The following BPTF variants were observed in gnomAD, a reference collection of about 807,000 sequenced individuals.
BPTF encodes nucleosome-remodeling factor subunit BPTF.
In BPTF, 18 loss-of-function variants were observed where a neutral mutation model predicts 292.5. That is an observed-to-expected ratio of 0.06 (90% CI 0.04 to 0.09). The LOEUF (loss-of-function observed/expected upper bound fraction) is 0.09, where lower values mean the gene tolerates loss of function less well. BPTF is among the 10% of genes least tolerant of loss of function. BPTF has a pLI of 1.00. For synonymous variants in BPTF, 1,225 were observed against 1,251.9 expected (o/e 0.98, Z 0.45); for missense variants, 2,726 against 3,498.7 (o/e 0.78, Z 5.57).
chr17:67,836,808 C>T (rs1191425287), intron 1 of BPTF, among the ~76,000 whole-genome samples: 3 of 152,188 alleles, frequency 2.0e-5, no homozygotes, highest in African/African-American at 7.2e-5. Flanking sequence ...ACTCATTTCT[C>T]CACCTTATGA....
chr17:67,972,289 G>T lies in BPTF; in HGVS notation c.8540-3483G>T, dbSNP rs550843277. Among the ~76,000 whole-genome samples, 44 of 152,090 alleles carry T rather than the reference G, an allele frequency of 2.9e-4. 2 individuals are homozygous for T. The South Asian group carries it at 9.1e-3, about 32-fold the overall frequency. On this transcript the variant is annotated intron_variant, in intron 26 of 27. Transcript: ENST00000306378. The stretch of plus-strand genomic sequence containing the variant: ...CTCACTCTGTCACCCAGGCTGGAGT[G>T]CAGTGTCGTGATCTTGAATCACTGC...
At chr17:67,926,417 C>T (rs1315532021) in intron 15 of BPTF, among the ~76,000 whole-genome samples, 1 of 150,100 alleles carries the variant, frequency 6.7e-6, no homozygotes, top group Non-Finnish European at 1.5e-5. Context: ...CTCCGCCTCC[C>T]GGGTTCACGC....
intron 1 of BPTF, among the ~76,000 whole-genome samples, chr17:67,851,887 G>A (rs2058431140): frequency 6.7e-6 from 1 of 148,894 alleles, no homozygotes; most frequent in African/African-American, 2.5e-5. Flanking sequence ...GTTTTACTTT[G>A]CCTTTCCTTG....
At chr17:67,892,818 A>G (rs1301067267) in intron 5 of BPTF, among the ~76,000 whole-genome samples, 4 of 152,162 alleles carry the variant, frequency 2.6e-5, no homozygotes, top group African/African-American at 4.8e-5. Flanking sequence ...AGCCTATTGC[A>G]TTACATTTTA....
At chr17:67,959,389 A>C (rs1555682455) in intron 23 of BPTF, 152 bp from the exon 24 acceptor site, 11 of 532,810 alleles carry the variant, frequency 2.1e-5, no homozygotes, top group African/African-American at 5.8e-5. Context: ...TTAAGATATA[A>C]GAAAACTCTT....
intron 4 of BPTF, chr17:67,875,511 A>G (rs71382156): frequency 7.8e-6 from 11 of 1,406,016 alleles, no homozygotes; most frequent in Non-Finnish European, 4.7e-6. Context: ...CCCTGAAGCA[A>G]TTTTAAAGAA....
chr17:67,844,887 G>A (rs764925244), intron 1 of BPTF, among the ~76,000 whole-genome samples: 1 of 152,104 alleles, frequency 6.6e-6, no homozygotes, highest in South Asian at 2.1e-4. Context: ...GGGATTATAG[G>A]CATGTGCCAC....
rs564349019 is a variant in BPTF, at chr17:67,923,699, C to T, written c.5708+709C>T. Among the ~76,000 whole-genome samples the T allele has an allele frequency of 4.7e-5, 7 of 149,144 alleles. No homozygotes were observed. In the South Asian group the frequency reaches 1.3e-3, roughly 27 times the overall value. On this transcript the variant is annotated intron_variant, in intron 14 of 27. Coordinates refer to ENST00000306378, the MANE Select transcript of BPTF (RefSeq NM_182641.4). ...TTCACCATGTTGGCCAGGCTGGTCT[C>T]GAACTCCTGACCTTGGGTAATCCAC...
At chr17:67,974,430 A>G (rs2069150542) in intron 26 of BPTF, 1 of 152,120 alleles carries the variant, frequency 6.6e-6, no homozygotes, top group African/African-American at 2.4e-5. Flanking sequence ...ACCCCACCTG[A>G]GTGTCTTCTA....
chr17:67,926,037 C>T (rs2063856643), intron 15 of BPTF, among the ~76,000 whole-genome samples: 1 of 109,792 alleles, frequency 9.1e-6, no homozygotes, highest in Non-Finnish European at 1.7e-5. Flanking sequence ...CAAGGTCTCA[C>T]TCTCTTGCCC....
intron 27 of BPTF, 156 bp from the exon 28 acceptor site, chr17:67,982,096 A>C (rs1568246374): frequency 2.8e-6 from 2 of 711,522 alleles, no homozygotes; most frequent in African/African-American, 1.8e-5. Flanking sequence ...TATAGGTTAA[A>C]ATTTTCTTAA....
chr17:67,940,372 G>C (rs1316232810), intron 18 of BPTF, 67 bp from the exon 19 acceptor site: 2 of 1,397,340 alleles, frequency 1.4e-6, no homozygotes, highest in African/African-American at 1.4e-5. Context: ...GTGAGGTGTT[G>C]AATTATTTCA....
In BPTF at chr17:67,966,613, T is replaced by A; in HGVS notation, c.8496T>A (p.Pro2832=). The A allele has an allele frequency of 6.2e-7, 1 of 1,600,606 alleles. No individual in the cohort carries two copies. The highest frequency in any genetic ancestry group is 8.5e-7 in the Non-Finnish European group (1 of 1,175,520). Residue 2832 remains proline (P), a synonymous_variant, in exon 26 of 28, where the codon CCT becomes CCA. Transcript: ENST00000306378. ...MAWPFLEPVD[P]NDAPDYYGVI... ...GGCCTTTCCTTGAACCAGTAGACCC[T>A]AATGATGCACCAGATTATTATGGTG...
At chr17:67,961,541 G>A (rs1442872415) in intron 24 of BPTF, among the ~76,000 whole-genome samples, 3 of 152,128 alleles carry the variant, frequency 2.0e-5, no homozygotes, top group African/African-American at 7.2e-5. Flanking sequence ...AATCATGTGA[G>A]AGTCATAGTT....
At chr17:67,847,999 A>C (rs1385941900) in intron 1 of BPTF, among the ~76,000 whole-genome samples, 1 of 152,238 alleles carries the variant, frequency 6.6e-6, no homozygotes, top group Non-Finnish European at 1.5e-5. Context: ...TGGAGTATTA[A>C]CTTCGGCTGG....
intron 3 of BPTF, among the ~76,000 whole-genome samples, chr17:67,871,534 C>G (rs1458551695): frequency 6.6e-6 from 1 of 150,892 alleles, no homozygotes; most frequent in Non-Finnish European, 1.5e-5. Context: ...ATACAGCTTA[C>G]TATATTTGCT....
At chr17:67,944,767 G>T (rs972494896) in intron 20 of BPTF, among the ~76,000 whole-genome samples, 14 of 152,136 alleles carry the variant, frequency 9.2e-5, no homozygotes, top group African/African-American at 3.4e-4. Flanking sequence ...TTGACCTTCT[G>T]CTGCAAGTCA....
At chr17:67,961,880 A>G (rs1420798693) in intron 24 of BPTF, among the ~76,000 whole-genome samples, 1 of 152,076 alleles carries the variant, frequency 6.6e-6, no homozygotes, top group Non-Finnish European at 1.5e-5. Flanking sequence ...AGGCCGAGTC[A>G]GGAGAATCGC....
intron 3 of BPTF, among the ~76,000 whole-genome samples, chr17:67,872,317 A>G (rs542082094): frequency 1.1e-4 from 17 of 152,342 alleles, no homozygotes; most frequent in Admixed American, 9.8e-4. Flanking sequence ...TAAACTTAGT[A>G]GGCAACTAAA....
Sources: allele counts gnomAD v4.1 joint callset (sites outside exome capture counted in the v4.1 genomes callset), GRCh38; gene constraint gnomAD v4.1.1; transcripts MANE v1.5; gene names NCBI Gene and HGNC (gene_info 2026-07-23, HGNC 2026-07-21).